The following CTNNA3 variants were observed in gnomAD, a reference collection of about 807,000 sequenced individuals.
The protein encoded by CTNNA3 is catenin alpha 3, also known as catenin alpha-3.
In CTNNA3, 76 loss-of-function variants were observed where a neutral mutation model predicts 95.7. That is an observed-to-expected ratio of 0.79 (90% CI 0.66 to 0.96). The LOEUF is 0.96. Ranked by LOEUF, CTNNA3 falls within the 40% of genes least tolerant of loss-of-function variation. CTNNA3 has a pLI of 0.00. For missense variants in CTNNA3, 1,191 were observed against 1,089.8 expected (o/e 1.09, Z -1.31); for synonymous variants, 431 against 374.4 (o/e 1.15, Z -1.74).
chr10:66,443,612 TC>T (rs2093392650), intron 11 of CTNNA3, among the ~76,000 whole-genome samples: 1 of 151,946 alleles, frequency 6.6e-6, no homozygotes, highest in Non-Finnish European at 1.5e-5. Flanking sequence ...CATCTGAGGG[TC>T]CTGTCTGTTA....
chr10:67,597,107 A>C (rs936022471), intron 3 of CTNNA3, among the ~76,000 whole-genome samples: 1 of 152,212 alleles, frequency 6.6e-6, no homozygotes, highest in Non-Finnish European at 1.5e-5. Flanking sequence ...TTTCAGCTCT[A>C]TCAGATCAGT....
chr10:66,018,121 G>T (rs1210787674), intron 15 of CTNNA3, among the ~76,000 whole-genome samples: 1 of 149,976 alleles, frequency 6.7e-6, no homozygotes, highest in East Asian at 2.0e-4. Flanking sequence ...ACTTACAAAA[G>T]ATATACATAC....
chr10:66,620,450 C>T (rs1013502212), intron 10 of CTNNA3, among the ~76,000 whole-genome samples: 1 of 152,102 alleles, frequency 6.6e-6, no homozygotes, highest in Non-Finnish European at 1.5e-5. Flanking sequence ...AGAATGTTCT[C>T]ACTAGGAATC....
At chr10:67,722,794 T>C (rs989045360) in intron 1 of CTNNA3, among the ~76,000 whole-genome samples, 1 of 152,150 alleles carries the variant, frequency 6.6e-6, no homozygotes, top group African/African-American at 2.4e-5. Context: ...AAATTAAGCT[T>C]ATATTTTCAG....
intron 5 of CTNNA3, among the ~76,000 whole-genome samples, chr10:67,368,348 G>A (rs1843292048): frequency 6.6e-6 from 1 of 152,068 alleles, no homozygotes; most frequent in Non-Finnish European, 1.5e-5. Flanking sequence ...AATTTAAAAG[G>A]CTGACCATAA....
chr10:66,625,076 T>G (rs1016792464), intron 9 of CTNNA3, among the ~76,000 whole-genome samples: 2 of 152,182 alleles, frequency 1.3e-5, no homozygotes, highest in African/African-American at 4.8e-5. Context: ...ATTACATCCT[T>G]AAAATAATTA....
intron 9 of CTNNA3, among the ~76,000 whole-genome samples, chr10:66,665,169 T>C (rs904372499): frequency 6.6e-6 from 1 of 151,918 alleles, no homozygotes; most frequent in African/African-American, 2.4e-5. Context: ...TTCCCCAATT[T>C]CTACTATTTC....
intron 9 of CTNNA3, among the ~76,000 whole-genome samples, chr10:66,738,868 T>C (rs1310022754): frequency 6.6e-6 from 1 of 152,230 alleles, no homozygotes; most frequent in African/African-American, 2.4e-5. Context: ...CCCGCACTAC[T>C]GGTATTTTAC....
intron 5 of CTNNA3, among the ~76,000 whole-genome samples, chr10:67,344,241 G>T (rs1482761634): frequency 6.6e-6 from 1 of 151,856 alleles, no homozygotes; most frequent in Non-Finnish European, 1.5e-5. Flanking sequence ...TGGTTTGCTA[G>T]TATTTTGTTG....
chr10:66,984,540 A>G (rs981232255), intron 7 of CTNNA3, among the ~76,000 whole-genome samples: 1 of 152,202 alleles, frequency 6.6e-6, no homozygotes, highest in African/African-American at 2.4e-5. Context: ...CAAAGCCATG[A>G]GGATAGATTA....
chr10:67,540,505 C>G (rs774326267), intron 3 of CTNNA3, among the ~76,000 whole-genome samples: 4 of 151,876 alleles, frequency 2.6e-5, no homozygotes, highest in Non-Finnish European at 4.4e-5. Context: ...CCCCAAAGCA[C>G]CAACTATTCA....
intron 7 of CTNNA3, among the ~76,000 whole-genome samples, chr10:67,108,794 T>C (rs930598525): frequency 3.9e-5 from 6 of 152,302 alleles, no homozygotes; most frequent in Middle Eastern, 3.4e-3. Flanking sequence ...ACTCTAATAG[T>C]TTCTGAGTCT....
rs1167081990 is a variant in CTNNA3 at position 66,604,715 on chromosome 10, A to C, written c.1374+16977T>G. On this transcript the variant is annotated intron_variant, in intron 10 of 17. Transcript: ENST00000433211. ...AAGTGTTCACTCCCTAAAGTCTTCC[A>C]GAAACAAAGCCAGTTGGCAGAATTC... Among the ~76,000 whole-genome samples, 3 of 151,998 alleles carry C rather than the reference A, an allele frequency of 2.0e-5. No homozygotes were observed. In the East Asian group the frequency reaches 5.8e-4, roughly 29 times the overall value.
chr10:66,965,772 A>C (rs1016369832), intron 7 of CTNNA3, among the ~76,000 whole-genome samples: 1 of 152,096 alleles, frequency 6.6e-6, no homozygotes, highest in African/African-American at 2.4e-5. Context: ...TATGTTTCAA[A>C]GGATACTTGA....
intron 1 of CTNNA3, among the ~76,000 whole-genome samples, chr10:67,672,853 G>C (rs998266537): frequency 1.1e-4 from 17 of 152,080 alleles, no homozygotes; most frequent in Non-Finnish European, 1.8e-4. Context: ...GCTCTTTTTT[G>C]GTTCCATATG....
At chr10:67,726,560 TAA>T (rs1437714166) in intron 1 of CTNNA3, among the ~76,000 whole-genome samples, 1 of 68,890 alleles carries the variant, frequency 1.5e-5, no homozygotes, top group Admixed American at 2.8e-4. Flanking sequence ...TTATATAATA[TAA>T]TATATATTAC....
chr10:67,685,424 C>A (rs999544237), intron 1 of CTNNA3, among the ~76,000 whole-genome samples: 1 of 152,222 alleles, frequency 6.6e-6, no homozygotes, highest in African/African-American at 2.4e-5. Flanking sequence ...ACTGAACACC[C>A]ATTGTCTTTT....
intron 9 of CTNNA3, among the ~76,000 whole-genome samples, chr10:66,629,450 C>T (rs1307956987): frequency 6.6e-6 from 1 of 151,412 alleles, no homozygotes; most frequent in African/African-American, 2.4e-5. Flanking sequence ...GCAGAAACTG[C>T]AATTACTTTT....
intron 2 of CTNNA3, among the ~76,000 whole-genome samples, chr10:67,637,994 A>G (rs1329978194): frequency 3.3e-5 from 5 of 152,220 alleles, no homozygotes; most frequent in Middle Eastern, 3.2e-3. Flanking sequence ...TAATGACAGG[A>G]TCAAATTCAC....
Sources: gnomAD v4.1 joint callset for allele counts (sites outside exome capture counted in the v4.1 genomes callset) on GRCh38, gnomAD v4.1.1 for gene constraint, MANE v1.5 for transcripts, NCBI Gene and HGNC (gene_info 2026-07-23, HGNC 2026-07-21) for gene names.